The following PCDHGA10 variants were observed in gnomAD, a reference collection of about 807,000 sequenced individuals.
PCDHGA10 encodes the protein protocadherin gamma subfamily A, 10.
PCDHGA10 carries 42 observed loss-of-function variants against 59.5 expected under a neutral mutation model. The ratio of observed to expected loss-of-function variants is 0.71; its 90% CI spans 0.55 to 0.91. The LOEUF (loss-of-function observed/expected upper bound fraction) is 0.91. PCDHGA10 is among the 40% of genes least tolerant of loss of function. The probability of loss-of-function intolerance (pLI) is 0.00; values close to 1 mark genes in which losing one functional copy is unlikely to be tolerated. For synonymous variants in PCDHGA10, 511 were observed against 517.2 expected (o/e 0.99, Z 0.16); for missense variants, 1,111 against 1,198.2 (o/e 0.93, Z 1.07).
At position 141,511,005 on chromosome 5, in the gene PCDHGA10, C is replaced by T; in HGVS notation, c.2643C>T (p.Ala881=). ...GGGAGTMGLS[A]RYGPQFTLQH... The stretch of plus-strand genomic sequence containing the variant: ...GTGCCGGCACCATGGGATTGAGCGC[C>T]CGCTACGGACCCCAGTTCACCCTGC... Residue 881 remains alanine, a synonymous_variant, in exon 4 of 4, where the codon GCC becomes GCT. Coordinates refer to ENST00000398610, the MANE Select transcript of PCDHGA10 (RefSeq NM_018913.3). The T allele has an allele frequency of 6.2e-7, 1 of 1,614,176 alleles. No individual in the cohort carries two copies.
intron 1 of PCDHGA10, chr5:141,416,674 G>T (rs547618174): frequency 6.6e-6 from 1 of 152,132 alleles, no homozygotes; most frequent in Non-Finnish European, 1.5e-5. Context: ...TATATGCAAC[G>T]AAGGGAAATT....
In PCDHGA10 at chr5:141,415,292, G is replaced by T. The variant is rs778092218; in HGVS notation, c.2117G>T (p.Cys706Phe). The T allele has an allele frequency of 1.7e-5, 28 of 1,614,082 alleles. No individual in the cohort carries two copies. Among genetic ancestry groups the T allele is most frequent in the Non-Finnish European group, 2.3e-5 (27 of 1,180,046 alleles). Reference sequence around the variant, plus strand: ...GTGGTAGCGGTGGCCGCGGTCTCCTGCGTCTTCCTGGCCTTCGTCATCGTG... The same window carrying T: ...GTGGTAGCGGTGGCCGCGGTCTCCTTCGTCTTCCTGGCCTTCGTCATCGTG... ...YLVVAVAAVS[C>F]VFLAFVIVLL... is the part of the protein sequence containing the mutation. The change falls in exon 1 of 4, where the codon TGC (cysteine) becomes TTC (phenylalanine). Residue 706 changes from cysteine (C) to phenylalanine (F), a missense_variant. By Grantham distance (205) the Cys-to-Phe change is radical. Coordinates refer to ENST00000398610, the MANE Select transcript of PCDHGA10 (RefSeq NM_018913.3).
intron 1 of PCDHGA10, chr5:141,417,860 A>G (rs1168739756): frequency 7.7e-6 from 12 of 1,549,390 alleles, no homozygotes; most frequent in African/African-American, 1.4e-5. Flanking sequence ...CGAGCGAACG[A>G]TGGGAGGGAG....
intron 1 of PCDHGA10, chr5:141,418,261 G>T (rs763160633): frequency 1.9e-6 from 3 of 1,613,938 alleles, no homozygotes; most frequent in Non-Finnish European, 2.5e-6. Flanking sequence ...CTCAATTCCG[G>T]AAAGATGAAA....
chr5:141,422,433 T>C, intron 1 of PCDHGA10: 2 of 1,609,628 alleles, frequency 1.2e-6, no homozygotes. Context: ...ATGGAAATTA[T>C]TACAAATTGA....
At chr5:141,434,193 T>G (rs2097677103) in intron 1 of PCDHGA10, among the ~76,000 whole-genome samples, 1 of 152,246 alleles carries the variant, frequency 6.6e-6, no homozygotes, top group South Asian at 2.1e-4. Flanking sequence ...GTAATTCCAA[T>G]GTACTTACTT....
intron 1 of PCDHGA10, among the ~76,000 whole-genome samples, chr5:141,429,387 T>TA (rs11410533): frequency 0.01 from 1,566 of 151,436 alleles, 8 homozygotes; most frequent in Middle Eastern, 0.031. Flanking sequence ...GTTTTTTTTT[T>TA]AAAAAAAATT....
At chr5:141,472,066 T>C (rs1440684719) in intron 1 of PCDHGA10, among the ~76,000 whole-genome samples, 1 of 152,140 alleles carries the variant, frequency 6.6e-6, no homozygotes, top group African/African-American at 2.4e-5. Flanking sequence ...GACATGTCTG[T>C]GGTTATATCA....
rs147506725 is a variant in PCDHGA10, at chr5:141,442,240, G to A, written c.2436+26629G>A. Reference sequence around the variant, plus strand: ...CTTTAATTTCCTTTTTATTCTTCCTGATTGCATTGTTTGTGCTGGTTTTAA... The same window carrying A: ...CTTTAATTTCCTTTTTATTCTTCCTAATTGCATTGTTTGTGCTGGTTTTAA... On this transcript the variant is annotated intron_variant, in intron 1 of 3. Transcript: ENST00000398610. 1,291 of 153,334 alleles carry A rather than the reference G, an allele frequency of 8.4e-3. 26 individuals carry two copies. The highest frequency in any genetic ancestry group is 0.029 in the African/African-American group (1,208 of 41,552). 9.5% of individuals were successfully genotyped at this position (153,334 alleles called of 1,614,324 possible).
At chr5:141,481,762 GC>G (rs1307001837) in intron 1 of PCDHGA10, among the ~76,000 whole-genome samples, 1 of 152,126 alleles carries the variant, frequency 6.6e-6, no homozygotes, top group Admixed American at 6.5e-5. Context: ...GACCAGCCTG[GC>G]CAACATGGTG....
chr5:141,468,339 A>G (rs1320544911), intron 1 of PCDHGA10: 2 of 151,348 alleles, frequency 1.3e-5, no homozygotes, highest in Non-Finnish European at 2.9e-5. Context: ...TCAAAAAAAA[A>G]AAAAAAAAAA....
At chr5:141,427,333 T>C (rs1157500463) in intron 1 of PCDHGA10, 1 of 457,322 alleles carries the variant, frequency 2.2e-6, no homozygotes, top group Non-Finnish European at 4.4e-6. Context: ...TTTACTTCAG[T>C]GTCCAGTTCT....
chr5:141,495,545 A>G (rs1174346915), intron 2 of PCDHGA10, among the ~76,000 whole-genome samples: 3 of 151,824 alleles, frequency 2.0e-5, no homozygotes, highest in Non-Finnish European at 4.4e-5. Flanking sequence ...CTCAGTCTCT[A>G]TCTCGCTTTG....
chr5:141,507,861 C>G (rs538942097), intron 3 of PCDHGA10, among the ~76,000 whole-genome samples: 6 of 152,306 alleles, frequency 3.9e-5, no homozygotes, highest in South Asian at 4.1e-4. Flanking sequence ...CTTTCACACC[C>G]GCTTCCTAGC....
chr5:141,486,405 G>A lies in PCDHGA10; in HGVS notation c.2437-8402G>A. 6.2e-7 allele frequency: 1 copy of A among 1,614,114 alleles called. No homozygotes were observed. The highest frequency in any genetic ancestry group is 2.2e-5 in the East Asian group (1 of 44,862). On this transcript the variant is annotated intron_variant, in intron 1 of 3. Transcript: ENST00000398610. The surrounding 1 kb of genome is among the most constrained non-coding windows in gnomAD (Gnocchi z 5.0). ...AACCAGTTCTCCCTGGTGACTGCTG[G>A]ACCCTTGGATCGAGAGGCCAAATCT...
intron 1 of PCDHGA10, among the ~76,000 whole-genome samples, chr5:141,458,445 T>G (rs180720013): frequency 6.6e-6 from 1 of 151,738 alleles, no homozygotes; most frequent in East Asian, 1.9e-4. Flanking sequence ...TCCCCCACAT[T>G]AACAATTTTT....
At chr5:141,426,714 C>T (rs779529448) in intron 1 of PCDHGA10, 2 of 444,724 alleles carry the variant, frequency 4.5e-6, no homozygotes, top group South Asian at 3.1e-5. Flanking sequence ...AATCAATGAA[C>T]TAGCAATTCC....
Position 141,414,843 on chromosome 5 carries a change from G to T in PCDHGA10, c.1668G>T (p.Val556=), listed in dbSNP as rs2095794241. The change falls in exon 1 of 4, where the codon GTG becomes GTT. Residue 556 remains valine (V), a synonymous_variant. Coordinates refer to ENST00000398610, the MANE Select transcript of PCDHGA10 (RefSeq NM_018913.3). The part of the protein sequence containing the change: ...LSSNVSLSLF[V]LDQNDNAPEI... ...GCAACGTGTCGTTGAGCCTGTTTGTGCTGGACCAGAACGACAATGCGCCCG... is the reference window on the plus strand; with the variant it reads ...GCAACGTGTCGTTGAGCCTGTTTGTTCTGGACCAGAACGACAATGCGCCCG... 1 of 1,614,100 alleles carries T rather than the reference G, an allele frequency of 6.2e-7. No individual in the cohort carries two copies. The highest frequency in any genetic ancestry group is 1.7e-5 in the Admixed American group (1 of 60,004).
intron 2 of PCDHGA10, among the ~76,000 whole-genome samples, chr5:141,502,654 C>T (rs1424933188): frequency 6.6e-6 from 1 of 152,230 alleles, no homozygotes; most frequent in South Asian, 2.1e-4. Context: ...TAGGCAGCAA[C>T]CCTTCATGCA....
Sources: gnomAD v4.1 joint callset for allele counts (sites outside exome capture counted in the v4.1 genomes callset) on GRCh38, gnomAD v4.1.1 for gene constraint, Gnocchi (gnomAD v3.1) non-coding constraint, MANE v1.5 for transcripts, NCBI Gene and HGNC (gene_info 2026-07-23, HGNC 2026-07-21) for gene names.